Variants in ADGRV1 observed in about 807,000 individuals in gnomAD.
ADGRV1 encodes adhesion G protein-coupled receptor V1.
Under a neutral mutation model 596.2 loss-of-function variants are expected in ADGRV1, and 359 were observed. That is an observed-to-expected ratio of 0.60 (90% CI 0.55 to 0.66). ADGRV1 has a LOEUF of 0.66. ADGRV1 is among the 30% of genes least tolerant of loss of function. ADGRV1 has a pLI of 0.00. For missense variants in ADGRV1, 7,274 were observed against 7,575.6 expected, an observed-to-expected ratio of 0.96 and a Z score of 1.48; for synonymous variants, 2,681 against 2,679.2, an observed-to-expected ratio of 1.00 and a Z score of -0.02.
At chr5:90,932,708 T>A (rs867340782) in intron 83 of ADGRV1, among the ~76,000 whole-genome samples, 4 of 145,020 alleles carry the variant, frequency 2.8e-5, no homozygotes, top group African/African-American at 7.3e-5. Context: ...CACCATAGAA[T>A]GCATCGCTGC....
intron 85 of ADGRV1, chr5:91,030,939 T>C: frequency 1.1e-6 from 1 of 881,774 alleles, no homozygotes. Flanking sequence ...AGAGTCCATA[T>C]AGTACTGGCA....
intron 52 of ADGRV1, 50 bp downstream of exon 52, chr5:90,745,845 T>A: frequency 9.7e-7 from 1 of 1,029,850 alleles, no homozygotes; most frequent in Non-Finnish European, 1.5e-6. Flanking sequence ...TTTTATTTAT[T>A]GTATTTGTGT....
At chr5:90,596,672 T>G (rs867950793) in intron 1 of ADGRV1, among the ~76,000 whole-genome samples, 1 of 152,142 alleles carries the variant, frequency 6.6e-6, no homozygotes, top group African/African-American at 2.4e-5. Context: ...CGCCTGCAAT[T>G]GCAGGCACTC....
intron 1 of ADGRV1, among the ~76,000 whole-genome samples, chr5:90,602,215 T>G (rs1462029802): frequency 6.6e-6 from 1 of 152,196 alleles, no homozygotes; most frequent in African/African-American, 2.4e-5. Flanking sequence ...TTTCGATGCC[T>G]GGTACAGTTT....
chr5:90,760,829 C>G lies in ADGRV1; in HGVS notation c.12120+1241C>G, dbSNP rs963101239. On this transcript the variant is annotated intron_variant, in intron 58 of 89. Transcript: ENST00000405460. Reference sequence around the variant, plus strand: ...CATGAAAACTAAGTATTTGTGCAGCCATATTTGGTACCTAGTACTAAATTA... The same window carrying G: ...CATGAAAACTAAGTATTTGTGCAGCGATATTTGGTACCTAGTACTAAATTA... Among the ~76,000 whole-genome samples, 4 of 152,232 alleles carry G rather than the reference C, an allele frequency of 2.6e-5. No homozygotes were observed. The East Asian group carries it at 7.7e-4, about 29-fold the overall frequency.
At chr5:90,776,034 A>T (rs1758191966) in intron 60 of ADGRV1, among the ~76,000 whole-genome samples, 1 of 152,180 alleles carries the variant, frequency 6.6e-6, no homozygotes, top group African/African-American at 2.4e-5. Context: ...CAAATGATAG[A>T]GTCAGAAAAT....
chr5:91,015,188 T>C (rs1252460894), intron 85 of ADGRV1, among the ~76,000 whole-genome samples: 1 of 152,130 alleles, frequency 6.6e-6, no homozygotes, highest in African/African-American at 2.4e-5. Flanking sequence ...AATTGCATGG[T>C]TTTGAGCAAT....
intron 83 of ADGRV1, among the ~76,000 whole-genome samples, chr5:90,957,921 G>C (rs554306810): frequency 3.3e-5 from 5 of 151,466 alleles, no homozygotes; most frequent in Non-Finnish European, 5.9e-5. Flanking sequence ...CAAGTCAAAA[G>C]GATAATATAT....
chr5:90,625,193 C>T lies in ADGRV1; in HGVS notation c.622C>T (p.Pro208Ser), dbSNP rs775156018. Residue 208 changes from proline to serine, a missense_variant, in exon 6 of 90, where the codon CCC (proline) becomes TCC (serine). By Grantham distance (74) the Pro-to-Ser change is moderately conservative. Transcript: ENST00000405460. ...LSPVKGNITFPPGRATVIYNL... is the reference protein window; with the variant it reads ...LSPVKGNITFSPGRATVIYNL... Reference sequence around the variant, plus strand: ...TCCAGTTAAAGGAAATATCACCTTTCCCCCTGGCAGAGCAACAGTAATTTA... The same window carrying T: ...TCCAGTTAAAGGAAATATCACCTTTTCCCCTGGCAGAGCAACAGTAATTTA... 2.5e-6 allele frequency: 4 copies of T among 1,613,412 alleles called. No homozygotes were observed. The highest frequency in any genetic ancestry group is 1.7e-5 in the Admixed American group (1 of 59,994).
rs1355056692 is a variant in ADGRV1 at position 90,755,004 on chromosome 5, T to A, written c.11399T>A (p.Leu3800Ter). 3 of 1,612,964 alleles carry A rather than the reference T, an allele frequency of 1.9e-6. No individual in the cohort carries two copies. The highest frequency in any genetic ancestry group is 2.2e-5 in the South Asian group (2 of 91,000). ...EPKENTTTLQ[L>*]QIARDKGLLG... ...ACAGAAAACACCACCACTCTTCAGT[T>A]ACAAATAGCTCGAGATAAAGGACTA... is the stretch of plus-strand genomic sequence containing the variant. The change falls in exon 55 of 90, where the codon TTA becomes TAA. Residue 3800 changes from leucine to a stop codon, truncating the protein, a stop_gained. Coordinates refer to ENST00000405460, the MANE Select transcript of ADGRV1 (RefSeq NM_032119.4). LOFTEE classifies it high-confidence loss of function.
intron 48 of ADGRV1, among the ~76,000 whole-genome samples, chr5:90,726,987 T>C (rs1314187624): frequency 1.3e-5 from 2 of 152,246 alleles, no homozygotes; most frequent in African/African-American, 4.8e-5. Flanking sequence ...ATTTCCACTA[T>C]GAAACTTGTT....
chr5:91,153,126 G>A (rs1410956510), intron 88 of ADGRV1, 95 bp from the exon 89 acceptor site: 18 of 980,262 alleles, frequency 1.8e-5, no homozygotes, highest in Admixed American at 1.8e-4. Context: ...GTCTTTGTAC[G>A]GAGAGGCAGA....
chr5:90,943,940 T>C (rs1202310938), intron 83 of ADGRV1, among the ~76,000 whole-genome samples: 2 of 152,188 alleles, frequency 1.3e-5, no homozygotes, highest in African/African-American at 4.8e-5. Flanking sequence ...GTTCCAGGTA[T>C]ACATGAATTG....
chr5:90,628,402 A>C (rs549622750), intron 7 of ADGRV1, among the ~76,000 whole-genome samples, 160 bp from the exon 8 acceptor site: 1 of 152,090 alleles, frequency 6.6e-6, no homozygotes, highest in Admixed American at 6.5e-5. Context: ...ACAGAGTGTG[A>C]CCCAGTCTCA....
chr5:90,918,098 C>T (rs972584510), intron 83 of ADGRV1, among the ~76,000 whole-genome samples: 4 of 151,984 alleles, frequency 2.6e-5, no homozygotes, highest in South Asian at 2.1e-4. Flanking sequence ...TTAGATCCTA[C>T]GATCTGAATA....
In ADGRV1 at chr5:90,644,772, C is replaced by A; in HGVS notation, c.2801C>A (p.Pro934Gln). The A allele has an allele frequency of 6.2e-7, 1 of 1,611,648 alleles. No individual in the cohort carries two copies. Among genetic ancestry groups the A allele is most frequent in the South Asian group, 1.1e-5 (1 of 90,152 alleles). ...GTTAGTGTATCATGGGTGGTTAGTC[C>A]AGACTTTACACAAGATGTATTTCCT... is the stretch of plus-strand genomic sequence containing the variant. ...GDVSVSWVVS[P>Q]DFTQDVFPVQ... The change falls in exon 15 of 90, where the codon CCA (proline) becomes CAA (glutamine). Residue 934 changes from proline to glutamine, a missense_variant. Pro to Gln is a moderately conservative substitution (Grantham distance 76). This residue lies in a region of ADGRV1 where 1,715 missense variants were observed against 1,708.8 expected (regional missense o/e 1.00). Coordinates refer to ENST00000405460, the MANE Select transcript of ADGRV1 (RefSeq NM_032119.4).
chr5:90,822,031 A>C (rs1026769722), intron 75 of ADGRV1: 1 of 155,078 alleles, frequency 6.4e-6, no homozygotes, highest in Admixed American at 6.5e-5. Flanking sequence ...GCCGCCTTGC[A>C]GGTTGATCTC....
chr5:90,863,187 A>T (rs1014088276), intron 82 of ADGRV1, among the ~76,000 whole-genome samples: 1 of 152,232 alleles, frequency 6.6e-6, no homozygotes, highest in Non-Finnish European at 1.5e-5. Context: ...AAAATCTAAC[A>T]TTAAAAGAAA....
At chr5:90,912,971 G>A (rs991158895) in intron 83 of ADGRV1, among the ~76,000 whole-genome samples, 6 of 152,014 alleles carry the variant, frequency 3.9e-5, no homozygotes, top group African/African-American at 1.2e-4. Context: ...GTTGGGGTTC[G>A]AAACATATTT....
Sources: gnomAD v4.1 joint callset for allele counts (sites outside exome capture counted in the v4.1 genomes callset) on GRCh38, gnomAD v4.1.1 for gene constraint, gnomAD v4.1.1 regional missense constraint, MANE v1.5 for transcripts, NCBI Gene and HGNC (gene_info 2026-07-23, HGNC 2026-07-21) for gene names.